The following AK9 variants were observed in gnomAD, a reference collection of about 807,000 sequenced individuals.
AK9 encodes the protein adenylate kinase 9.
Under a neutral mutation model 239.6 loss-of-function variants are expected in AK9, and 191 were observed. The ratio of observed to expected loss-of-function variants is 0.80; its 90% CI spans 0.71 to 0.90. The LOEUF (loss-of-function observed/expected upper bound fraction) is 0.90, where lower values mean the gene tolerates loss of function less well. Among genes scored for constraint, AK9 ranks in the 40% least tolerant of loss-of-function variants. AK9 has a pLI of 0.00. For missense variants in AK9, 1,995 were observed against 2,214.7 expected (o/e 0.90, Z 1.99); for synonymous variants, 689 against 721.0 (o/e 0.96, Z 0.71).
At position 109,576,420 on chromosome 6, in the gene AK9, C is replaced by CTTTTTTTTTTTTTTTTTTTTTTTTTTT; in HGVS notation, c.2192-2827_2192-2826insAAAAAAAAAAAAAAAAAAAAAAAAAAA. ...GGTTAGGTGTATATACATATATATA[C>CTTTTTTTTTTTTTTTTTTTTTTTTTTT]TTTTTTTTTTTTTTTTTGCAGCTGT... On this transcript the variant is annotated intron_variant, in intron 20 of 40. Coordinates refer to ENST00000424296, the MANE Select transcript of AK9 (RefSeq NM_001145128.3). 1.9e-5 allele frequency among the ~76,000 whole-genome samples: 2 copies of CTTTTTTTTTTTTTTTTTTTTTTTTTTT among 103,478 alleles called. 1 individual carries two copies. The highest frequency in any genetic ancestry group is 3.9e-5 in the Non-Finnish European group (2 of 51,216). 67.9% of individuals were successfully genotyped at this position (103,478 alleles called of 152,430 possible).
At position 109,493,198 on chromosome 6, in the gene AK9, T is replaced by C. The variant is rs1349422154; in HGVS notation, c.*171A>G. The C allele has an allele frequency of 3.3e-6, 2 of 612,068 alleles. No individual in the cohort carries two copies. The highest frequency in any genetic ancestry group is 3.1e-5 in the Admixed American group (1 of 31,778). 37.9% of individuals were successfully genotyped at this position (612,068 alleles called of 1,614,324 possible). Reference sequence around the variant, plus strand: ...TTAAAACTTGTTTCCATAAGAGTGCTCCTTCCTGGCTGGCAGACCTTTGAG... The same window carrying C: ...TTAAAACTTGTTTCCATAAGAGTGCCCCTTCCTGGCTGGCAGACCTTTGAG... On this transcript the variant is annotated 3_prime_UTR_variant, in exon 41 of 41. Transcript: ENST00000424296.
At chr6:109,642,442 T>G (rs1797570402) in intron 9 of AK9, among the ~76,000 whole-genome samples, 2 of 152,112 alleles carry the variant, frequency 1.3e-5, no homozygotes, top group South Asian at 4.1e-4. Context: ...TCATTCTGGG[T>G]GGAGTACACT....
chr6:109,504,163 G>A (rs1242160786), intron 35 of AK9, among the ~76,000 whole-genome samples: 2 of 152,084 alleles, frequency 1.3e-5, no homozygotes, highest in Non-Finnish European at 2.9e-5. Flanking sequence ...AGACCAGCCT[G>A]GGAAACAAAG....
At chr6:109,644,719 A>T in intron 8 of AK9, 31 bp from the exon 9 acceptor site, 1 of 1,557,850 alleles carries the variant, frequency 6.4e-7, no homozygotes, top group Non-Finnish European at 8.8e-7. Flanking sequence ...ACTTTATAAT[A>T]CAGGATCACT....
chr6:109,660,063 T>A (rs1284739773), intron 6 of AK9, among the ~76,000 whole-genome samples: 1 of 152,156 alleles, frequency 6.6e-6, no homozygotes, highest in Non-Finnish European at 1.5e-5. Context: ...AGATAAGCAA[T>A]CCAAATTACA....
Position 109,632,350 on chromosome 6 carries a change from C to T in AK9, c.1254+573G>A, listed in dbSNP as rs528279950. 5 of 974,678 alleles carry T rather than the reference C, an allele frequency of 5.1e-6. No individual in the cohort carries two copies. The African/African-American group carries it at 7.0e-5, about 14-fold the overall frequency. The allele number at this position is 974,678 out of a possible 1,614,324, so 60.4% of individuals were successfully genotyped here. On this transcript the variant is annotated intron_variant, in intron 12 of 40. Transcript: ENST00000424296. ...AGCCACATTGCCCCTTCTAGAATTC[C>T]TCCACATTCCAATCCCTCATCAAAT... is the stretch of plus-strand genomic sequence containing the variant.
intron 25 of AK9, among the ~76,000 whole-genome samples, chr6:109,549,470 T>C (rs1784031348): frequency 6.6e-6 from 1 of 152,176 alleles, no homozygotes; most frequent in Non-Finnish European, 1.5e-5. Context: ...CTAACCAGAA[T>C]GACTGGCCTC....
At chr6:109,520,796 TAGTTCTCCTTGGAG>T (rs1261274176) in intron 29 of AK9, among the ~76,000 whole-genome samples, 4 of 152,184 alleles carry the variant, frequency 2.6e-5, no homozygotes, top group Non-Finnish European at 5.9e-5. Flanking sequence ...CAGTGTTTTG[TAGTTCTCCTTGGAG>T]AGATTTTTCA....
At chr6:109,641,674 G>C (rs1175591244) in intron 9 of AK9, 58 bp from the exon 10 acceptor site, 2 of 1,454,068 alleles carry the variant, frequency 1.4e-6, no homozygotes, top group African/African-American at 1.4e-5. Flanking sequence ...CAAATACTCT[G>C]AAACAGTGGT....
rs1237299336 is a variant in AK9, at chr6:109,497,358, A to ACTCT, written c.5315+106_5315+107insAGAG. On this transcript the variant is annotated intron_variant, in intron 38 of 40. Transcript: ENST00000424296. The stretch of plus-strand genomic sequence containing the variant: ...CACACACACACACACACACACACAC[A>ACTCT]CACACTCTCTCTCTCTCTCTCTCTC... 9.3e-3 allele frequency: 5,350 copies of ACTCT among 573,638 alleles called. 31 individuals are homozygous for ACTCT. The highest frequency in any genetic ancestry group is 0.018 in the Middle Eastern group (59 of 3,206). 35.5% of individuals were successfully genotyped at this position (573,638 alleles called of 1,614,324 possible). A position where few individuals can be genotyped will look rare whatever the true frequency, so the allele number is the denominator to read the frequency against.
At chr6:109,676,199 C>A (rs992222892) in intron 1 of AK9, among the ~76,000 whole-genome samples, 1 of 151,994 alleles carries the variant, frequency 6.6e-6, no homozygotes, top group Non-Finnish European at 1.5e-5. Context: ...ATGAAGAAAA[C>A]TTTTCCAAAA....
chr6:109,566,271 A>G (rs1562419149), intron 21 of AK9, among the ~76,000 whole-genome samples: 1 of 152,172 alleles, frequency 6.6e-6, no homozygotes. Flanking sequence ...CAGAGTTCTT[A>G]TAAATACTCT....
chr6:109,605,822 A>G (rs1015545555), intron 17 of AK9, among the ~76,000 whole-genome samples: 1 of 152,146 alleles, frequency 6.6e-6, no homozygotes, highest in Non-Finnish European at 1.5e-5. Flanking sequence ...TTTTGGGAAT[A>G]TACTGAGGTG....
chr6:109,674,626 A>C (rs902445108), intron 2 of AK9, among the ~76,000 whole-genome samples: 3 of 152,208 alleles, frequency 2.0e-5, no homozygotes, highest in Non-Finnish European at 2.9e-5. Flanking sequence ...AAAGTTCATA[A>C]TCATGAATGT....
intron 17 of AK9, among the ~76,000 whole-genome samples, chr6:109,608,694 A>C (rs1222527581): frequency 1.3e-5 from 2 of 152,174 alleles, no homozygotes. Flanking sequence ...CATGAAAAGC[A>C]CTAACTACTA....
At chr6:109,603,135 G>A (rs980181650) in intron 17 of AK9, among the ~76,000 whole-genome samples, 2 of 152,200 alleles carry the variant, frequency 1.3e-5, no homozygotes, top group African/African-American at 4.8e-5. Context: ...CCCTTTGGAG[G>A]GGGAGAGGCA....
chr6:109,652,788 C>T (rs896770071), intron 8 of AK9, among the ~76,000 whole-genome samples: 2 of 152,134 alleles, frequency 1.3e-5, no homozygotes, highest in Non-Finnish European at 2.9e-5. Context: ...CCATGCTGCC[C>T]GCACAACACA....
chr6:109,679,720 G>T (rs981564364), intron 1 of AK9, among the ~76,000 whole-genome samples: 1 of 152,184 alleles, frequency 6.6e-6, no homozygotes. Context: ...GCTGGCATCT[G>T]GCAGGTGCCC....
intron 24 of AK9, among the ~76,000 whole-genome samples, chr6:109,553,777 A>C (rs1784637435): frequency 6.6e-6 from 1 of 152,092 alleles, no homozygotes; most frequent in African/African-American, 2.4e-5. Flanking sequence ...CTTGTCTTGC[A>C]CTGGTTTTCA....
Sources: allele counts gnomAD v4.1 joint callset (sites outside exome capture counted in the v4.1 genomes callset), GRCh38; gene constraint gnomAD v4.1.1; transcripts MANE v1.5; gene names NCBI Gene and HGNC (gene_info 2026-07-23, HGNC 2026-07-21).